Variants in NCF2 observed in about 807,000 individuals in gnomAD.
The protein encoded by NCF2 is neutrophil cytosolic factor 2, also known as neutrophil cytosol factor 2.
In NCF2, 45 loss-of-function variants were observed where a neutral mutation model predicts 70.9. The ratio of observed to expected loss-of-function variants is 0.63; its 90% CI spans 0.50 to 0.81. The LOEUF (loss-of-function observed/expected upper bound fraction) is 0.81, where lower values mean the gene tolerates loss of function less well. Among genes scored for constraint, NCF2 ranks in the 40% least tolerant of loss-of-function variants. The pLI, the probability that NCF2 is intolerant of heterozygous loss-of-function variation, is 0.00. For missense variants in NCF2, 522 were observed against 631.6 expected (o/e 0.83, Z 1.86); for synonymous variants, 203 against 233.6 (o/e 0.87, Z 1.19).
At chr1:183,576,282 G>T (rs1375186358) in intron 3 of NCF2, among the ~76,000 whole-genome samples, 1 of 152,158 alleles carries the variant, frequency 6.6e-6, no homozygotes, top group East Asian at 1.9e-4. Context: ...TCCTCTCAGG[G>T]CCATTTTAAC....
At chr1:183,570,933 C>T (rs1672519286) in intron 5 of NCF2, 94 bp from the exon 6 acceptor site, 36 of 1,270,186 alleles carry the variant, frequency 2.8e-5, no homozygotes, top group South Asian at 4.9e-5. Context: ...CCTGTTCTTA[C>T]GTGAGCCTGG....
intron 14 of NCF2, among the ~76,000 whole-genome samples, chr1:183,559,371 G>A (rs1412899214): frequency 6.6e-6 from 1 of 152,170 alleles, no homozygotes; most frequent in Non-Finnish European, 1.5e-5. Flanking sequence ...AGAGACACAG[G>A]ATAGTTCTGA....
rs183510217 is a variant in NCF2, at chr1:183,564,072, A to C, written c.1001-42T>G. ...GGGAGTAAAACAAAAGAAGATGGTGAATGAACATCCTTGGCCAGCCCCTGC... is the reference window on the plus strand; with the variant it reads ...GGGAGTAAAACAAAAGAAGATGGTGCATGAACATCCTTGGCCAGCCCCTGC... On this transcript the variant is annotated intron_variant, in intron 10 of 14. Coordinates refer to ENST00000367535, the MANE Select transcript of NCF2 (RefSeq NM_000433.4). 2.0e-5 allele frequency: 31 copies of C among 1,586,536 alleles called. No homozygotes were observed. In the East Asian group the frequency reaches 4.7e-4, roughly 24 times the overall value.
At chr1:183,594,784 AG>A, upstream of NCF2, among the ~76,000 whole-genome samples, 1 of 121,244 alleles carries the variant, frequency 8.2e-6, no homozygotes, top group Non-Finnish European at 1.8e-5. Context: ...AACACTCCCA[AG>A]ACCCTCCTTT....
At position 183,573,272 on chromosome 1, in the gene NCF2, TG is replaced by T; in HGVS notation, c.521del (p.Pro174GlnfsTer3). On this transcript the variant is annotated frameshift_variant, in exon 5 of 15. Transcript: ENST00000367535. LOFTEE classifies it high-confidence loss of function. ...ACAGCTTGCCCACAGGGATCACCAC[TG>T]GCTCATATAGCTTCTGCTTCTGTAA... is the stretch of plus-strand genomic sequence containing the variant. ...ECVWKQKLYEPVVIPVGKLFR... is the reference protein window; with the variant it reads ...ECVWKQKLYEXVVIPVGKLFR... 2 of 1,614,160 alleles carry T rather than the reference TG, an allele frequency of 1.2e-6. No homozygotes were observed. The highest frequency in any genetic ancestry group is 2.2e-5 in the East Asian group (1 of 44,882).
chr1:183,567,473 G>A (rs764311226), intron 7 of NCF2, 128 bp from the exon 8 acceptor site: 24 of 1,312,424 alleles, frequency 1.8e-5, no homozygotes, highest in Middle Eastern at 3.6e-4. Context: ...TGCAACTGCC[G>A]AGATGACACT....
upstream of NCF2, among the ~76,000 whole-genome samples, chr1:183,595,237 A>C (rs1200673924): frequency 6.6e-6 from 1 of 152,096 alleles, no homozygotes; most frequent in African/African-American, 2.4e-5. Flanking sequence ...CAGGGAGGAG[A>C]CCTCATTTAT....
At chr1:183,596,216 G>A in the NCF2 span, among the ~76,000 whole-genome samples, 1 of 150,580 alleles carries the variant, frequency 6.6e-6, no homozygotes, top group Non-Finnish European at 1.5e-5. Context: ...TGCTTTTAAA[G>A]TCAGTGTGAT....
At chr1:183,566,255 G>A (rs1672293899) in intron 9 of NCF2, among the ~76,000 whole-genome samples, 1 of 152,198 alleles carries the variant, frequency 6.6e-6, no homozygotes, top group African/African-American at 2.4e-5. Flanking sequence ...CTGCCATTGA[G>A]TCACTTACAG....
rs555497007 is a variant in NCF2, at chr1:183,558,689, C to G, written c.1468+1407G>C. Among the ~76,000 whole-genome samples, 3 of 152,246 alleles carry G rather than the reference C, an allele frequency of 2.0e-5. No homozygotes were observed. The South Asian group carries it at 6.2e-4, about 32-fold the overall frequency. On this transcript the variant is annotated intron_variant, in intron 14 of 14. Coordinates refer to ENST00000367535, the MANE Select transcript of NCF2 (RefSeq NM_000433.4). ...AAGCGATTCTCTTGCCTCAGCCTCC[C>G]TAGCAGCTGGGACTACAGATGTGCA...
At chr1:183,587,202 C>T (rs1051753486) in intron 1 of NCF2, among the ~76,000 whole-genome samples, 19 of 152,182 alleles carry the variant, frequency 1.2e-4, no homozygotes, top group Non-Finnish European at 2.1e-4. Context: ...ATTGTCATTC[C>T]AGTTCTGCTG....
At chr1:183,581,903 G>A (rs1192026366) in intron 2 of NCF2, among the ~76,000 whole-genome samples, 14 of 152,102 alleles carry the variant, frequency 9.2e-5, no homozygotes, top group Admixed American at 3.3e-4. Context: ...TCCTTACCTC[G>A]TGATCCGCCC....
intron 14 of NCF2, among the ~76,000 whole-genome samples, chr1:183,556,750 A>C (rs1416474032): frequency 6.6e-6 from 1 of 152,078 alleles, no homozygotes; most frequent in Non-Finnish European, 1.5e-5. Context: ...GCTGGTCTCA[A>C]ACTCCTGGGC....
chr1:183,569,834 C>T (rs1207101793), intron 6 of NCF2, among the ~76,000 whole-genome samples: 1 of 152,220 alleles, frequency 6.6e-6, no homozygotes, highest in Non-Finnish European at 1.5e-5. Flanking sequence ...AAGTGATCTG[C>T]TCACCTCAGC....
At chr1:183,585,237 C>T (rs892584113) in intron 2 of NCF2, among the ~76,000 whole-genome samples, 2 of 152,146 alleles carry the variant, frequency 1.3e-5, no homozygotes, top group African/African-American at 2.4e-5. Context: ...TCTCTGATGT[C>T]TGGACATTGT....
the NCF2 span, among the ~76,000 whole-genome samples, chr1:183,598,753 A>C: frequency 6.6e-6 from 1 of 152,220 alleles, no homozygotes; most frequent in Non-Finnish European, 1.5e-5. Flanking sequence ...CAGATAATTG[A>C]AGACCCAGAT....
At position 183,570,786 on chromosome 1, in the gene NCF2, T is replaced by C. The variant is rs1288798553; in HGVS notation, c.663A>G (p.Gln221=). Residue 221 remains glutamine, a synonymous_variant, in exon 6 of 15, where the codon CAA becomes CAG. Transcript: ENST00000367535. ...AAGGTCAGGACTGCCTTACCTGTGG[T>C]TGCAGAGGGGCAAACCCAGAGAAAC... ...QDSFSGFAPL[Q]PQAAEPPPRP... 11 of 1,614,176 alleles carry C rather than the reference T, an allele frequency of 6.8e-6. No homozygotes were observed. The Middle Eastern group carries it at 6.6e-4, about 97-fold the overall frequency.
intron 7 of NCF2, 180 bp from the exon 8 acceptor site, chr1:183,567,525 T>G: frequency 1.2e-6 from 1 of 814,276 alleles, no homozygotes; most frequent in Admixed American, 1.8e-5. Context: ...AAGAAACTGG[T>G]GTACACCTGC....
Position 183,563,717 on chromosome 1 carries a change from T to A in NCF2, c.1027-132A>T. The A allele has an allele frequency of 6.8e-6, 8 of 1,174,220 alleles. No homozygotes were observed. In the South Asian group the frequency reaches 1.0e-4, roughly 15 times the overall value. The allele number at this position is 1,174,220 out of a possible 1,614,324, so 72.7% of individuals were successfully genotyped here. A position where few individuals can be genotyped will look rare whatever the true frequency, so the allele number is the denominator to read the frequency against. Reference sequence around the variant, plus strand: ...AGGGGAGAGGCCAGTAAGTAACTGGTTTCACAGTAGCCTAAAAGGCCTTCA... The same window carrying A: ...AGGGGAGAGGCCAGTAAGTAACTGGATTCACAGTAGCCTAAAAGGCCTTCA... On this transcript the variant is annotated intron_variant, in intron 11 of 14. Coordinates refer to ENST00000367535, the MANE Select transcript of NCF2 (RefSeq NM_000433.4).
Sources: allele counts gnomAD v4.1 joint callset (sites outside exome capture counted in the v4.1 genomes callset), GRCh38; gene constraint gnomAD v4.1.1; transcripts MANE v1.5; gene names NCBI Gene and HGNC (gene_info 2026-07-23, HGNC 2026-07-21).